Variants in SNX16 observed in about 807,000 individuals in gnomAD.
The protein encoded by SNX16 is sorting nexin 16, also known as sorting nexin-16.
Under a neutral mutation model 36.7 loss-of-function variants are expected in SNX16, and 35 were observed. The ratio of observed to expected loss-of-function variants is 0.95; its 90% CI spans 0.73 to 1.27. The LOEUF (loss-of-function observed/expected upper bound fraction) is 1.27. Ranked by LOEUF, SNX16 falls within the 50% of genes most tolerant of loss-of-function variation. The pLI is 0.00. For synonymous variants in SNX16, 134 were observed against 132.0 expected, an observed-to-expected ratio of 1.02 and a Z score of -0.10; for missense variants, 367 against 393.6, an observed-to-expected ratio of 0.93 and a Z score of 0.57.
Position 81,840,022 on chromosome 8 carries a change from T to TGA in SNX16, c.-38_-37dup. The TGA allele has an allele frequency of 6.5e-7, 1 of 1,539,592 alleles. No individual in the cohort carries two copies. The highest frequency in any genetic ancestry group is 8.7e-7 in the Non-Finnish European group (1 of 1,148,768). On this transcript the variant is annotated 5_prime_UTR_variant, in exon 2 of 8. Transcript: ENST00000345957. ...CTTTTCCAACAAGCTTGCACACTGT[T>TGA]GAGTCCACTTAGAGAACAACTAATA... is the stretch of plus-strand genomic sequence containing the variant.
At chr8:81,837,338 GA>G (rs1333093728) in intron 2 of SNX16, among the ~76,000 whole-genome samples, 1 of 152,142 alleles carries the variant, frequency 6.6e-6, no homozygotes, top group Non-Finnish European at 1.5e-5. Flanking sequence ...CCAGTCTCTT[GA>G]AATGCTTTAC....
intron 5 of SNX16, chr8:81,807,635 A>C: frequency 2.5e-6 from 1 of 402,950 alleles, no homozygotes; most frequent in Non-Finnish European, 4.6e-6. Flanking sequence ...TGAACTTTTA[A>C]ATAAATGAGG....
intron 2 of SNX16, among the ~76,000 whole-genome samples, chr8:81,832,157 T>C (rs1252734127): frequency 1.3e-5 from 2 of 152,164 alleles, no homozygotes; most frequent in African/African-American, 4.8e-5. Context: ...AGACATGGAA[T>C]CATCCTAGCT....
intron 2 of SNX16, among the ~76,000 whole-genome samples, chr8:81,832,253 G>A (rs535451320): frequency 2.0e-5 from 3 of 152,314 alleles, no homozygotes; most frequent in South Asian, 4.1e-4. Context: ...ATCAAATCAT[G>A]TCCTTTGCAG....
At chr8:81,809,140 T>A (rs1439196113) in intron 5 of SNX16, among the ~76,000 whole-genome samples, 1 of 152,124 alleles carries the variant, frequency 6.6e-6, no homozygotes, top group Non-Finnish European at 1.5e-5. Flanking sequence ...AAGTTAGAAT[T>A]CCTTCAGAGT....
At chr8:81,832,735 G>T (rs1811324030) in intron 2 of SNX16, among the ~76,000 whole-genome samples, 1 of 151,350 alleles carries the variant, frequency 6.6e-6, no homozygotes, top group Non-Finnish European at 1.5e-5. Flanking sequence ...TTTTTTATAA[G>T]TATGCTTTTA....
intron 4 of SNX16, among the ~76,000 whole-genome samples, chr8:81,821,193 T>G (rs1220005101): frequency 6.6e-6 from 1 of 151,372 alleles, no homozygotes; most frequent in Non-Finnish European, 1.5e-5. Context: ...CCCAACTTAT[T>G]TAGCTAAGAA....
At position 81,816,511 on chromosome 8, in the gene SNX16, A is replaced by G. The variant is rs147653028; in HGVS notation, c.612-1117T>C. Among the ~76,000 whole-genome samples, 6 of 151,962 alleles carry G rather than the reference A, an allele frequency of 3.9e-5. No homozygotes were observed. The East Asian group carries it at 1.2e-3, about 29-fold the overall frequency. On this transcript the variant is annotated intron_variant, in intron 4 of 7. Coordinates refer to ENST00000345957, the MANE Select transcript of SNX16 (RefSeq NM_152836.3). Reference sequence around the variant, plus strand: ...GCACCCAGCCAGGATTTCTTGATACACTACAAAAAGGGGATGTCAACTTAT... The same window carrying G: ...GCACCCAGCCAGGATTTCTTGATACGCTACAAAAAGGGGATGTCAACTTAT...
rs372752698 is a variant in SNX16, at chr8:81,815,286, T to C, written c.681+39A>G. On this transcript the variant is annotated intron_variant, in intron 5 of 7. Coordinates refer to ENST00000345957, the MANE Select transcript of SNX16 (RefSeq NM_152836.3). ...CAATGTAGTTATTGTACTGCATTAA[T>C]TGTTCCTCTTTTCATGTGCTATATA... 10 of 1,483,480 alleles carry C rather than the reference T, an allele frequency of 6.7e-6. No individual in the cohort carries two copies. The African/African-American group carries it at 1.4e-4, about 21-fold the overall frequency. 91.9% of individuals were successfully genotyped at this position (1,483,480 alleles called of 1,614,324 possible).
At chr8:81,825,283 A>G (rs1279485795) in intron 3 of SNX16, among the ~76,000 whole-genome samples, 1 of 152,198 alleles carries the variant, frequency 6.6e-6, no homozygotes, top group Non-Finnish European at 1.5e-5. Flanking sequence ...ACAAACTGAC[A>G]CACATTGTCA....
chr8:81,835,363 T>C (rs1300132610), intron 2 of SNX16, among the ~76,000 whole-genome samples: 1 of 152,196 alleles, frequency 6.6e-6, no homozygotes, highest in East Asian at 1.9e-4. Context: ...ATCTTCCCCA[T>C]TGTCTTGGGG....
chr8:81,836,530 C>T (rs375770802), intron 2 of SNX16, among the ~76,000 whole-genome samples: 3 of 152,164 alleles, frequency 2.0e-5, no homozygotes, highest in African/African-American at 7.2e-5. Context: ...CCATATCTTC[C>T]CATTGTTTAG....
In SNX16 at chr8:81,829,489, G is replaced by C. The variant is rs977508768; in HGVS notation, c.403C>G (p.Pro135Ala). ...CTGAAAACTACCCAGCTTTCTTCTG[G>C]GGTTTTCTTTACTAGTATTTTATAT... is the stretch of plus-strand genomic sequence containing the variant. ...TVYKILVKKTPEESWVVFRRY... is the reference protein window; with the variant it reads ...TVYKILVKKTAEESWVVFRRY... Residue 135 changes from proline to alanine, a missense_variant, in exon 3 of 8, where the codon CCA becomes GCA. Transcript: ENST00000345957. The C allele has an allele frequency of 2.1e-6, 3 of 1,425,512 alleles. No individual in the cohort carries two copies. Among genetic ancestry groups the C allele is most frequent in the South Asian group, 3.4e-5 (2 of 59,518 alleles). The allele number at this position is 1,425,512 out of a possible 1,614,324, so 88.3% of individuals were successfully genotyped here.
intron 5 of SNX16, 136 bp downstream of exon 5, chr8:81,815,189 G>T (rs1329874598): frequency 6.9e-6 from 4 of 582,098 alleles, no homozygotes; most frequent in Non-Finnish European, 1.1e-5. Flanking sequence ...ACTCAAACAT[G>T]AAAGCTTTCT....
chr8:81,803,293 A>T (rs1809791198), intron 5 of SNX16, 65 bp from the exon 6 acceptor site: 1 of 1,461,622 alleles, frequency 6.8e-7, no homozygotes, highest in African/African-American at 1.4e-5. Flanking sequence ...TTACAAATGC[A>T]GTATCTTTCT....
chr8:81,813,238 A>G (rs1810341971), intron 5 of SNX16, among the ~76,000 whole-genome samples: 1 of 151,992 alleles, frequency 6.6e-6, no homozygotes, highest in Non-Finnish European at 1.5e-5. Context: ...AGCTGCAGTA[A>G]ACAAGACAGT....
chr8:81,814,268 C>A (rs1480579335), intron 5 of SNX16, among the ~76,000 whole-genome samples: 14 of 151,760 alleles, frequency 9.2e-5, no homozygotes, highest in Admixed American at 9.2e-4. Flanking sequence ...ACATGGAATA[C>A]CCTCAAAAGC....
intron 2 of SNX16, among the ~76,000 whole-genome samples, chr8:81,833,501 C>T (rs947614025): frequency 8.6e-5 from 13 of 151,946 alleles, no homozygotes; most frequent in Non-Finnish European, 1.9e-4. Context: ...AAAAAAGTTG[C>T]AATGGGAATA....
chr8:81,822,966 A>ATATATGTGTATATG (rs1554546283), intron 4 of SNX16, among the ~76,000 whole-genome samples: 1 of 126,934 alleles, frequency 7.9e-6, no homozygotes, highest in African/African-American at 2.8e-5. Context: ...ATATATATAT[A>ATATATGTGTATATG]TATATATATA....
Sources: allele counts gnomAD v4.1 joint callset (sites outside exome capture counted in the v4.1 genomes callset), GRCh38; gene constraint gnomAD v4.1.1; transcripts MANE v1.5; gene names NCBI Gene and HGNC (gene_info 2026-07-23, HGNC 2026-07-21).